CLHC1: variants seen among roughly 807,000 people sequenced by gnomAD.
CLHC1 encodes clathrin heavy chain linker domain containing 1.
A neutral mutation model predicts 69.5 loss-of-function variants in CLHC1; 72 were observed. The ratio of observed to expected loss-of-function variants is 1.04; its 90% CI spans 0.86 to 1.26. The LOEUF is 1.26. Among genes scored for constraint, CLHC1 ranks in the 50% most tolerant of loss-of-function variants. The pLI is 0.00. For missense variants in CLHC1, 790 were observed against 679.3 expected (o/e 1.16, Z -1.81); for synonymous variants, 223 against 224.3 (o/e 0.99, Z 0.05).
In CLHC1 at chr2:55,173,163, C is replaced by T. The variant is rs576450570; in HGVS notation, c.*2627G>A. ...GGCAAGAGGAAAAAAGGAGAGAAGA[C>T]ACGCTCAAGACAGCAAGACCTAATA... On this transcript the variant is annotated 3_prime_UTR_variant, in exon 13 of 13. Coordinates refer to ENST00000401408, the MANE Select transcript of CLHC1 (RefSeq NM_152385.4). Among the ~76,000 whole-genome samples, 1 of 152,194 alleles carries T rather than the reference C, an allele frequency of 6.6e-6. No homozygotes were observed. Among genetic ancestry groups the T allele is most frequent in the Non-Finnish European group, 1.5e-5 (1 of 68,038 alleles).
intron 2 of CLHC1, chr2:55,224,852 C>G (rs1426014428): frequency 1.1e-5 from 3 of 266,400 alleles, no homozygotes; most frequent in Non-Finnish European, 2.4e-5. Flanking sequence ...TTGAGTGCAG[C>G]CGGGGCTGGG....
chr2:55,218,788 G>T (rs1673829088), intron 3 of CLHC1, among the ~76,000 whole-genome samples: 2 of 152,078 alleles, frequency 1.3e-5, no homozygotes, highest in South Asian at 4.1e-4. Flanking sequence ...ATAATGTATG[G>T]TTTCTAAATT....
chr2:55,196,688 C>G (rs541961549), intron 9 of CLHC1, among the ~76,000 whole-genome samples: 1 of 152,342 alleles, frequency 6.6e-6, no homozygotes, highest in Admixed American at 6.5e-5. Flanking sequence ...TGACCAGCAG[C>G]AGTAGCCAGG....
intron 9 of CLHC1, among the ~76,000 whole-genome samples, chr2:55,201,259 A>G (rs1335678108): frequency 6.6e-6 from 1 of 151,976 alleles, no homozygotes; most frequent in East Asian, 1.9e-4. Context: ...AAAAAAATTG[A>G]CAAATCCTTA....
rs576326607 is a variant in CLHC1 at position 55,224,209 on chromosome 2, G to C, written c.-82-1716C>G. On this transcript the variant is annotated intron_variant, in intron 2 of 12. Coordinates refer to ENST00000401408, the MANE Select transcript of CLHC1 (RefSeq NM_152385.4). ...CCCTTACACACAAGGCTCAGTTCAA[G>C]CGAAGGGAGGTCACAGCCAGGAGCC... 2.0e-5 allele frequency: 6 copies of C among 303,892 alleles called. No homozygotes were observed. In the East Asian group the frequency reaches 4.7e-4, roughly 24 times the overall value. 18.8% of individuals were successfully genotyped at this position (303,892 alleles called of 1,614,324 possible).
In CLHC1 at chr2:55,175,480, T is replaced by C. The variant is rs1268221910; in HGVS notation, c.*310A>G. The C allele has an allele frequency of 7.7e-6, 2 of 260,554 alleles. No individual in the cohort carries two copies. Among genetic ancestry groups the C allele is most frequent in the Non-Finnish European group, 1.5e-5 (2 of 135,676 alleles). The allele number at this position is 260,554 out of a possible 1,614,324, so 16.1% of individuals were successfully genotyped here. A position where few individuals can be genotyped will look rare whatever the true frequency, so the allele number is the denominator to read the frequency against. ...CCTCAGTTCTTGCTATCATATTACA[T>C]CACCAGAAAGTAATATATCTGGACA... On this transcript the variant is annotated 3_prime_UTR_variant, in exon 13 of 13. Transcript: ENST00000401408.
intron 9 of CLHC1, among the ~76,000 whole-genome samples, chr2:55,184,264 G>A (rs1670207773): frequency 6.6e-6 from 1 of 151,746 alleles, no homozygotes; most frequent in Admixed American, 6.6e-5. Context: ...TGCCACCACG[G>A]CCGGCTAATT....
chr2:55,229,166 A>AAAAG (rs1558528486), intron 1 of CLHC1, among the ~76,000 whole-genome samples: 11 of 148,560 alleles, frequency 7.4e-5, no homozygotes, highest in African/African-American at 2.7e-4. Context: ...AAAAAAAAAA[A>AAAAG]AAAGAAAGAA....
At chr2:55,202,063 T>C (rs1671993882) in intron 9 of CLHC1, among the ~76,000 whole-genome samples, 1 of 152,022 alleles carries the variant, frequency 6.6e-6, no homozygotes, top group Admixed American at 6.6e-5. Flanking sequence ...TCACACTGAA[T>C]GGGAGGAAAC....
At chr2:55,216,957 G>A (rs988867257) in intron 4 of CLHC1, among the ~76,000 whole-genome samples, 7 of 152,262 alleles carry the variant, frequency 4.6e-5, no homozygotes, top group African/African-American at 1.4e-4. Flanking sequence ...AGACCAGCCT[G>A]GGTAACATGG....
chr2:55,183,705 T>C (rs757069413), intron 9 of CLHC1, among the ~76,000 whole-genome samples: 6 of 152,244 alleles, frequency 3.9e-5, no homozygotes, highest in African/African-American at 1.4e-4. Context: ...AAAGCTTGTA[T>C]AGTGCTTTGA....
At chr2:55,176,338 C>G (rs553673917) in intron 12 of CLHC1, among the ~76,000 whole-genome samples, 7 of 152,306 alleles carry the variant, frequency 4.6e-5, no homozygotes, top group African/African-American at 1.7e-4. Context: ...TCCTTATTCA[C>G]AGAGTCTATA....
rs1674225106 is a variant in CLHC1 at position 55,222,439 on chromosome 2, G to A, written c.-28C>T. On this transcript the variant is annotated 5_prime_UTR_variant, in exon 3 of 13. Coordinates refer to ENST00000401408, the MANE Select transcript of CLHC1 (RefSeq NM_152385.4). Reference sequence around the variant, plus strand: ...TTGACAATCTGCACACTTGTTCACTGAAGAACAGCTAAATCTTGACCTGCT... The same window carrying A: ...TTGACAATCTGCACACTTGTTCACTAAAGAACAGCTAAATCTTGACCTGCT... The A allele has an allele frequency of 1.9e-6, 3 of 1,586,298 alleles. No homozygotes were observed. Among genetic ancestry groups the A allele is most frequent in the South Asian group, 1.1e-5 (1 of 87,676 alleles).
chr2:55,227,677 CAAA>C (rs372124703), intron 2 of CLHC1, among the ~76,000 whole-genome samples: 1 of 127,702 alleles, frequency 7.8e-6, no homozygotes. Flanking sequence ...GACTCCATCT[CAAA>C]AAAAAAAAAA....
chr2:55,209,369 T>C (rs778484704), intron 7 of CLHC1, 35 bp downstream of exon 7: 2 of 1,327,246 alleles, frequency 1.5e-6, no homozygotes, highest in Non-Finnish European at 2.1e-6. Flanking sequence ...ATGTCTTCCA[T>C]TATTGGTACT....
rs577662180 is a variant in CLHC1 at position 55,218,029 on chromosome 2, G to T, written c.178-31C>A. The T allele has an allele frequency of 1.1e-4, 135 of 1,239,716 alleles. No homozygotes were observed. In the South Asian group the frequency reaches 2.7e-3, roughly 25 times the overall value. The allele number at this position is 1,239,716 out of a possible 1,614,324, so 76.8% of individuals were successfully genotyped here. A position where few individuals can be genotyped will look rare whatever the true frequency, so the allele number is the denominator to read the frequency against. On this transcript the variant is annotated intron_variant, in intron 3 of 12. Coordinates refer to ENST00000401408, the MANE Select transcript of CLHC1 (RefSeq NM_152385.4). ...ATATTATTTTTCTGCCTATGGTATT[G>T]ATTTTTTTTCTAGGAGGCTATGGAT...
At chr2:55,232,502 GC>G, upstream of CLHC1, 1 of 451,394 alleles carries the variant, frequency 2.2e-6, no homozygotes, top group South Asian at 2.2e-5. Context: ...AGTTTCGAAA[GC>G]ATTCCGAAGG....
intron 8 of CLHC1, among the ~76,000 whole-genome samples, 197 bp from the exon 9 acceptor site, chr2:55,206,573 T>A (rs1240760183): frequency 6.6e-6 from 1 of 152,164 alleles, no homozygotes; most frequent in South Asian, 2.1e-4. Context: ...TCTGTTGGGT[T>A]TTTTTTAAGT....
chr2:55,179,464 A>C (rs1669707286), intron 11 of CLHC1, among the ~76,000 whole-genome samples: 2 of 152,218 alleles, frequency 1.3e-5, no homozygotes, highest in South Asian at 2.1e-4. Context: ...ACTTAAAAAA[A>C]CAACAACATA....
Sources: gnomAD v4.1 joint callset for allele counts (sites outside exome capture counted in the v4.1 genomes callset) on GRCh38, gnomAD v4.1.1 for gene constraint, MANE v1.5 for transcripts, NCBI Gene and HGNC (gene_info 2026-07-23, HGNC 2026-07-21) for gene names.